The following WWTR1 variants were observed in gnomAD, a reference collection of about 807,000 sequenced individuals.
The protein encoded by WWTR1 is WW domain-containing transcription regulator protein 1.
In WWTR1, 13 loss-of-function variants were observed where a neutral mutation model predicts 40.1. That is an observed-to-expected ratio of 0.32 (90% confidence interval 0.21 to 0.52). WWTR1 has a LOEUF of 0.52. Among genes scored for constraint, WWTR1 ranks in the 20% least tolerant of loss-of-function variants. WWTR1 has a pLI of 0.97. For missense variants in WWTR1, 436 were observed against 523.1 expected, an observed-to-expected ratio of 0.83 and a Z score of 1.63; for synonymous variants, 230 against 210.1, an observed-to-expected ratio of 1.09 and a Z score of -0.82.
intron 2 of WWTR1, among the ~76,000 whole-genome samples, chr3:149,606,101 A>G (rs898138326): frequency 6.6e-6 from 1 of 152,204 alleles, no homozygotes; most frequent in African/African-American, 2.4e-5. Context: ...GGCATGATCT[A>G]TGAGGAATAG....
rs139658221 is a variant in WWTR1 at position 149,666,738 on chromosome 3, T to C, written c.-4+3050A>G. 8.7e-3 allele frequency among the ~76,000 whole-genome samples: 1,328 copies of C among 152,302 alleles called. 5 individuals are homozygous for C. The highest frequency in any genetic ancestry group is 0.013 in the Non-Finnish European group (855 of 68,024). On this transcript the variant is annotated intron_variant, in intron 2 of 7. Transcript: ENST00000465804. The stretch of plus-strand genomic sequence containing the variant: ...AAAGTTTATGTCTTGCCAAAGGCCA[T>C]TGATTTATAACAAGAGCACCAGGAC...
chr3:149,567,130 T>G (rs1006843072), intron 3 of WWTR1, among the ~76,000 whole-genome samples: 1 of 151,886 alleles, frequency 6.6e-6, no homozygotes, highest in African/African-American at 2.4e-5. Flanking sequence ...AAAAGCCTCA[T>G]TAGTGTGTGA....
chr3:149,673,837 A>C (rs1244223969), intron 1 of WWTR1, among the ~76,000 whole-genome samples: 6 of 152,038 alleles, frequency 3.9e-5, no homozygotes, highest in Admixed American at 6.6e-5. Flanking sequence ...TATTCCCCAG[A>C]GGTCTCAAGA....
chr3:149,684,224 G>C (rs1318238161), intron 1 of WWTR1, among the ~76,000 whole-genome samples: 1 of 151,954 alleles, frequency 6.6e-6, no homozygotes, highest in Non-Finnish European at 1.5e-5. Context: ...GTCTCGCTAT[G>C]TTGCCCAGGG....
intron 1 of WWTR1, among the ~76,000 whole-genome samples, chr3:149,677,571 T>C (rs1042957032): frequency 3.9e-5 from 6 of 152,102 alleles, no homozygotes; most frequent in Admixed American, 6.5e-5. Flanking sequence ...ATCTATCTAA[T>C]GTATCACGCC....
At chr3:149,672,261 C>G (rs1714113622) in intron 1 of WWTR1, among the ~76,000 whole-genome samples, 2 of 152,184 alleles carry the variant, frequency 1.3e-5, no homozygotes, top group Admixed American at 6.5e-5. Flanking sequence ...TTTCCTAGAG[C>G]CTCATTCTCA....
At chr3:149,591,246 A>G (rs992640427) in intron 2 of WWTR1, among the ~76,000 whole-genome samples, 31 of 152,208 alleles carry the variant, frequency 2.0e-4, no homozygotes, top group African/African-American at 7.2e-4. Flanking sequence ...GCAACAGCTG[A>G]ATATGCCATG....
At chr3:149,706,968 T>C (rs1327491473), upstream of WWTR1, among the ~76,000 whole-genome samples, 2 of 152,176 alleles carry the variant, frequency 1.3e-5, no homozygotes, top group Non-Finnish European at 2.9e-5. Context: ...CATTTTTATT[T>C]ACACAAGCCA....
intron 1 of WWTR1, among the ~76,000 whole-genome samples, chr3:149,695,726 A>G (rs999627185): frequency 6.8e-6 from 1 of 146,136 alleles, no homozygotes; most frequent in African/African-American, 2.5e-5. Context: ...ATACCACTGC[A>G]CTCCAGCCTG....
intron 1 of WWTR1, among the ~76,000 whole-genome samples, chr3:149,694,816 A>C (rs1413278203): frequency 6.6e-6 from 1 of 152,260 alleles, no homozygotes; most frequent in Non-Finnish European, 1.5e-5. Context: ...CTAGGTATAC[A>C]CGCAAAATAA....
rs1229289087 is a variant in WWTR1, at chr3:149,517,438, G to A, written c.*3367C>T. ...AGTTAAAGTACTAGCACATATATGT[G>A]TTAGGAAAATGGTCTCTGTCAATTG... On this transcript the variant is annotated 3_prime_UTR_variant, in exon 7 of 7. Transcript: ENST00000360632. 3 of 152,170 alleles carry A rather than the reference G, an allele frequency of 2.0e-5. No individual in the cohort carries two copies. Among genetic ancestry groups the A allele is most frequent in the East Asian group, 1.9e-4 (1 of 5,206 alleles). The allele number at this position is 152,170 out of a possible 1,614,324, so 9.4% of individuals were successfully genotyped here.
chr3:149,661,763 T>A (rs1050471390), upstream of WWTR1, among the ~76,000 whole-genome samples: 1 of 145,048 alleles, frequency 6.9e-6, no homozygotes, highest in African/African-American at 2.6e-5. Flanking sequence ...GACGGAGTCT[T>A]ACTCTGTCAC....
At chr3:149,667,064 A>T (rs1024520330) in intron 2 of WWTR1, among the ~76,000 whole-genome samples, 4 of 152,218 alleles carry the variant, frequency 2.6e-5, no homozygotes, top group Non-Finnish European at 5.9e-5. Flanking sequence ...TGTTGGAGGT[A>T]CTGAAAATTC....
intron 1 of WWTR1, chr3:149,702,970 A>C (rs570045729): frequency 1.3e-5 from 2 of 152,302 alleles, no homozygotes; most frequent in East Asian, 3.9e-4. Flanking sequence ...TTTGGCACAT[A>C]AAATTGGGGT....
intron 2 of WWTR1, among the ~76,000 whole-genome samples, chr3:149,647,695 A>G (rs1712615611): frequency 6.6e-6 from 1 of 152,232 alleles, no homozygotes; most frequent in Non-Finnish European, 1.5e-5. Context: ...GGAGCTATGA[A>G]TGGAAAGATA....
In WWTR1 at chr3:149,520,979, T is replaced by C. The variant is rs745774789; in HGVS notation, c.1029A>G (p.Ala343=). Residue 343 remains alanine, a synonymous_variant, in exon 7 of 7, where the codon GCA becomes GCG. Transcript: ENST00000360632. ...GATTGATGTTCATGGGTGTTTGTCC[T>C]GCGTTTTCTCCTATAACAAAATGAA... ...NVDEMDTGEN[A]GQTPMNINPQ... The C allele has an allele frequency of 6.3e-7, 1 of 1,598,976 alleles. No individual in the cohort carries two copies. The highest frequency in any genetic ancestry group is 8.5e-7 in the Non-Finnish European group (1 of 1,175,182).
At chr3:149,522,563 C>G (rs1239895660) in intron 6 of WWTR1, among the ~76,000 whole-genome samples, 1 of 152,082 alleles carries the variant, frequency 6.6e-6, no homozygotes, top group Admixed American at 6.6e-5. Context: ...CTTCTACTTA[C>G]TAGAGTGTAA....
intron 3 of WWTR1, among the ~76,000 whole-genome samples, chr3:149,569,862 T>TG (rs1221586405): frequency 2.6e-5 from 4 of 152,158 alleles, no homozygotes; most frequent in African/African-American, 7.2e-5. Context: ...TTTTAAGAGT[T>TG]GGGGGTCTCA....
intron 2 of WWTR1, among the ~76,000 whole-genome samples, chr3:149,608,871 G>A (rs1739606053): frequency 6.6e-6 from 1 of 151,902 alleles, no homozygotes; most frequent in Admixed American, 6.6e-5. Context: ...TGGGCAACAT[G>A]GCAAAACCCT....
Sources: allele counts gnomAD v4.1 joint callset (sites outside exome capture counted in the v4.1 genomes callset), GRCh38; gene constraint gnomAD v4.1.1; transcripts MANE v1.5; gene names NCBI Gene and HGNC (gene_info 2026-07-23, HGNC 2026-07-21).